The following SPECC1L variants were observed in gnomAD, a reference collection of about 807,000 sequenced individuals.
SPECC1L encodes the protein cytospin-A.
A neutral mutation model predicts 116.8 loss-of-function variants in SPECC1L; 40 were observed. That is an observed-to-expected ratio of 0.34 (90% CI 0.27 to 0.45). SPECC1L has a LOEUF of 0.45. Among genes scored for constraint, SPECC1L ranks in the 20% least tolerant of loss-of-function variants. The pLI is 1.00. For missense variants in SPECC1L, 1,110 were observed against 1,373.6 expected (o/e 0.81, Z 3.03); for synonymous variants, 504 against 500.6 (o/e 1.01, Z -0.09).
At chr22:24,284,234 T>G (rs2051726666) in intron 2 of SPECC1L, among the ~76,000 whole-genome samples, 1 of 152,110 alleles carries the variant, frequency 6.6e-6, no homozygotes, top group Non-Finnish European at 1.5e-5. Flanking sequence ...CTGCTTTAAG[T>G]TTTTAAAGGT....
intron 9 of SPECC1L, among the ~76,000 whole-genome samples, chr22:24,336,064 A>G (rs2041047912): frequency 6.6e-6 from 1 of 152,062 alleles, no homozygotes; most frequent in African/African-American, 2.4e-5. Context: ...TTGTTTAAAT[A>G]CCTACTAAAA....
intron 8 of SPECC1L, 73 bp from the exon 9 acceptor site, chr22:24,334,337 T>C (rs1159163466): frequency 6.6e-7 from 1 of 1,526,262 alleles, no homozygotes; most frequent in African/African-American, 1.4e-5. Flanking sequence ...TTTAATGCCT[T>C]TCAGCTGGGA....
At chr22:24,405,219 G>A (rs543001506) in intron 14 of SPECC1L, among the ~76,000 whole-genome samples, 7 of 152,082 alleles carry the variant, frequency 4.6e-5, no homozygotes, top group Admixed American at 6.5e-5. Flanking sequence ...CTGGGATTTC[G>A]AGCTAGTTTG....
At chr22:24,350,146 A>G (rs1194009342) in intron 11 of SPECC1L, among the ~76,000 whole-genome samples, 1 of 152,030 alleles carries the variant, frequency 6.6e-6, no homozygotes, top group Admixed American at 6.6e-5. Flanking sequence ...TGCCTGGAAC[A>G]CTGCTGGATC....
At chr22:24,286,786 G>T (rs1160893167) in intron 2 of SPECC1L, among the ~76,000 whole-genome samples, 3 of 152,054 alleles carry the variant, frequency 2.0e-5, no homozygotes, top group African/African-American at 7.2e-5. Flanking sequence ...CTTTGCTTTT[G>T]TCTGTTTTTC....
intron 9 of SPECC1L, 78 bp downstream of exon 9, chr22:24,334,651 A>G (rs2041013644): frequency 2.0e-6 from 3 of 1,490,148 alleles, no homozygotes; most frequent in Non-Finnish European, 2.8e-6. Context: ...CTGATTTGGT[A>G]TTCTTTACTG....
intron 14 of SPECC1L, among the ~76,000 whole-genome samples, chr22:24,391,603 T>C (rs2042275688): frequency 6.6e-6 from 1 of 152,186 alleles, no homozygotes; most frequent in Admixed American, 6.5e-5. Flanking sequence ...TGAGCATTTT[T>C]CAGAGCTGCA....
At chr22:24,327,046 G>A (rs1043280351) in intron 6 of SPECC1L, among the ~76,000 whole-genome samples, 2 of 151,974 alleles carry the variant, frequency 1.3e-5, no homozygotes, top group African/African-American at 4.8e-5. Flanking sequence ...TTGGGAGGCC[G>A]AGGCGGGTGG....
Position 24,396,498 on chromosome 22 carries a change from A to T in SPECC1L, c.3088-15090A>T, listed in dbSNP as rs552697963. Among the ~76,000 whole-genome samples, 16 of 152,176 alleles carry T rather than the reference A, an allele frequency of 1.1e-4. 1 individual carries two copies. The South Asian group carries it at 2.9e-3, about 28-fold the overall frequency. ...TTTTTAGTTGAGACAGAGTTTCACC[A>T]TGTTGATCAGGCTGGTCTCGAACTC... On this transcript the variant is annotated intron_variant, in intron 14 of 16. Coordinates refer to ENST00000314328, the MANE Select transcript of SPECC1L (RefSeq NM_015330.6).
In SPECC1L at chr22:24,338,419, C is replaced by T. The variant is rs200239876; in HGVS notation, c.2594C>T (p.Thr865Met). 3.8e-5 allele frequency: 61 copies of T among 1,614,074 alleles called. No homozygotes were observed. Among genetic ancestry groups the T allele is most frequent in the Non-Finnish European group, 4.4e-5 (52 of 1,179,982 alleles). ...PNPAAAAIPR[T>M]PLSPSPMKTP... is the part of the protein sequence containing the mutation. ...CCTGCTGCAGCTGCAATTCCTCGAACGCCCCTGAGCCCAAGTCCTATGAAA... is the reference window on the plus strand; with the variant it reads ...CCTGCTGCAGCTGCAATTCCTCGAATGCCCCTGAGCCCAAGTCCTATGAAA... Residue 865 changes from threonine (T) to methionine (M), a missense_variant, in exon 10 of 17, where the codon ACG (threonine) becomes ATG (methionine). Around this residue, in one of 4 missense-constraint regions of SPECC1L, gnomAD observed 575 missense variants for 682.4 expected, o/e 0.84. Transcript: ENST00000314328.
In SPECC1L at chr22:24,413,068, G is replaced by T. The variant is rs567743494; in HGVS notation, c.3264+361G>T. Among the ~76,000 whole-genome samples, 69 of 152,272 alleles carry T rather than the reference G, an allele frequency of 4.5e-4. 1 individual carries two copies. The South Asian group carries it at 0.012, about 26-fold the overall frequency. On this transcript the variant is annotated intron_variant, in intron 16 of 16. Coordinates refer to ENST00000314328, the MANE Select transcript of SPECC1L (RefSeq NM_015330.6). Reference sequence around the variant, plus strand: ...AAAATGTCATATGTTTATAAATCTCGCTGTCAAAAACACCACACCAGCAGG... The same window carrying T: ...AAAATGTCATATGTTTATAAATCTCTCTGTCAAAAACACCACACCAGCAGG...
At chr22:24,295,072 C>T (rs1208818192) in intron 2 of SPECC1L, among the ~76,000 whole-genome samples, 3 of 151,388 alleles carry the variant, frequency 2.0e-5, no homozygotes, top group Non-Finnish European at 4.4e-5. Context: ...TCTGGAGCTT[C>T]CTGTGTGGCT....
chr22:24,350,575 T>C (rs1269469434), intron 11 of SPECC1L, among the ~76,000 whole-genome samples: 1 of 152,158 alleles, frequency 6.6e-6, no homozygotes, highest in Non-Finnish European at 1.5e-5. Flanking sequence ...GTCAAAGATT[T>C]TAGACGCCTG....
At chr22:24,289,507 C>T (rs768815287) in intron 2 of SPECC1L, among the ~76,000 whole-genome samples, 21 of 152,118 alleles carry the variant, frequency 1.4e-4, no homozygotes, top group Non-Finnish European at 2.5e-4. Flanking sequence ...AAGGAGAAGA[C>T]TTACATGGTT....
At chr22:24,313,610 C>A in intron 4 of SPECC1L, 144 bp downstream of exon 4, 2 of 922,664 alleles carry the variant, frequency 2.2e-6, no homozygotes, top group Non-Finnish European at 3.4e-6. Context: ...CCAATACGCT[C>A]ATCACCATTA....
chr22:24,304,032 A>G (rs1000997885), intron 3 of SPECC1L, among the ~76,000 whole-genome samples: 5 of 152,086 alleles, frequency 3.3e-5, no homozygotes, highest in East Asian at 1.9e-4. Context: ...AAATAGTGGG[A>G]AAAAAATGGA....
chr22:24,373,494 TGACA>T (rs201810368), intron 14 of SPECC1L, among the ~76,000 whole-genome samples: 5,517 of 152,236 alleles, frequency 0.036, 289 homozygotes, highest in South Asian at 0.12. Flanking sequence ...ATCTGATCTT[TGACA>T]GACCTGACAA....
At chr22:24,406,570 T>C (rs2042595060) in intron 14 of SPECC1L, among the ~76,000 whole-genome samples, 1 of 152,126 alleles carries the variant, frequency 6.6e-6, no homozygotes, top group South Asian at 2.1e-4. Flanking sequence ...TGGCGGGTTG[T>C]GTGCATGGTG....
chr22:24,321,847 T>G lies in SPECC1L; in HGVS notation c.867T>G (p.Phe289Leu), dbSNP rs199858278. ...GGTTAGACAATTCTGAAAAACTGTT[T>G]GGCTATCAGTCCCTGAGCCCAGAAA... The part of the protein sequence containing the change: ...EQRLDNSEKL[F>L]GYQSLSPEIT... Residue 289 changes from phenylalanine to leucine, a missense_variant, in exon 5 of 17, where the codon TTT (phenylalanine) becomes TTG (leucine). By Grantham distance (22) the Phe-to-Leu change is conservative. Around this residue, in one of 4 missense-constraint regions of SPECC1L, gnomAD observed 437 missense variants for 482.6 expected, o/e 0.91. Coordinates refer to ENST00000314328, the MANE Select transcript of SPECC1L (RefSeq NM_015330.6). 1.5e-4 allele frequency: 239 copies of G among 1,614,090 alleles called. No individual in the cohort carries two copies. The highest frequency in any genetic ancestry group is 1.8e-4 in the Non-Finnish European group (216 of 1,180,048).
Sources: allele counts gnomAD v4.1 joint callset (sites outside exome capture counted in the v4.1 genomes callset), GRCh38; gene constraint gnomAD v4.1.1; regional missense constraint gnomAD v4.1.1; transcripts MANE v1.5; gene names NCBI Gene and HGNC (gene_info 2026-07-23, HGNC 2026-07-21).